SH3TC2: variants seen among roughly 807,000 people sequenced by gnomAD.
SH3TC2 encodes SH3 domain and tetratricopeptide repeats 2, also known as SH3 domain and tetratricopeptide repeat-containing protein 2.
A neutral mutation model predicts 124.5 loss-of-function variants in SH3TC2; 87 were observed. The observed-to-expected ratio is 0.70, with a 90% CI of 0.59 to 0.84. The LOEUF (loss-of-function observed/expected upper bound fraction) is 0.84. Among genes scored for constraint, SH3TC2 ranks in the 40% least tolerant of loss-of-function variants. The pLI is 0.00. For synonymous variants in SH3TC2, 634 were observed against 628.5 expected (o/e 1.01, Z -0.13); for missense variants, 1,536 against 1,566.4 (o/e 0.98, Z 0.33).
intron 1 of SH3TC2, among the ~76,000 whole-genome samples, chr5:149,056,601 C>T (rs1248563414): frequency 2.6e-5 from 4 of 152,094 alleles, no homozygotes. Context: ...TTTTAATTAG[C>T]ACTTTGGGTA....
Position 148,989,132 on chromosome 5 carries a change from C to T in SH3TC2, c.*15579G>A, listed in dbSNP as rs1056803614. 1.3e-5 allele frequency among the ~76,000 whole-genome samples: 2 copies of T among 152,086 alleles called. No individual in the cohort carries two copies. The highest frequency in any genetic ancestry group is 2.4e-5 in the African/African-American group (1 of 41,404). On this transcript the variant is annotated 3_prime_UTR_variant, in exon 17 of 17. Transcript: ENST00000515425. ...ATTTTCTTTATATTTCCTTGAGTTC[C>T]TTTTGGAGTCATTGAATTCCCTTTT...
chr5:149,014,503 C>T (rs1256518677), intron 12 of SH3TC2, among the ~76,000 whole-genome samples: 3 of 152,332 alleles, frequency 2.0e-5, no homozygotes, highest in Non-Finnish European at 4.4e-5. Flanking sequence ...ACTCCTAAGG[C>T]CCGGATCCTT....
rs763564639 is a variant in SH3TC2, at chr5:149,028,536, A to C, written c.1196T>G (p.Phe399Cys). Residue 399 changes from phenylalanine to cysteine, a missense_variant, in exon 11 of 17, where the codon TTC (phenylalanine) becomes TGC (cysteine). This residue lies in a region of SH3TC2 where 1,102 missense variants were observed against 1,098.6 expected (regional missense o/e 1.00). Coordinates refer to ENST00000515425, the MANE Select transcript of SH3TC2 (RefSeq NM_024577.4). ...GGCTCTGCCAGGCCTGACCTCCTTG[A>C]AACCTTCAGGCTGGGATGCTGTAAG... Reference protein sequence around the residue: ...NDLSASQPEGFKEVRPGRAWE... With the variant: ...NDLSASQPEGCKEVRPGRAWE... The C allele has an allele frequency of 1.2e-6, 2 of 1,613,922 alleles. No homozygotes were observed. The highest frequency in any genetic ancestry group is 1.7e-6 in the Non-Finnish European group (2 of 1,179,968).
chr5:148,987,717 T>G lies in SH3TC2; in HGVS notation c.*16994A>C, dbSNP rs182759223. On this transcript the variant is annotated 3_prime_UTR_variant, in exon 17 of 17. Coordinates refer to ENST00000515425, the MANE Select transcript of SH3TC2 (RefSeq NM_024577.4). ...TCAGTGAAGATCATCAGATTAAGAC[T>G]GAGAAGAACAAAGCTGTGGTCACTC... 1.1e-4 allele frequency among the ~76,000 whole-genome samples: 16 copies of G among 151,834 alleles called. No homozygotes were observed. The highest frequency in any genetic ancestry group is 1.9e-4 in the Non-Finnish European group (13 of 68,004).
chr5:149,032,830 G>A (rs2127398848), intron 8 of SH3TC2, among the ~76,000 whole-genome samples: 1 of 152,244 alleles, frequency 6.6e-6, no homozygotes, highest in African/African-American at 2.4e-5. Context: ...AGCCCATGAT[G>A]AGAACACTAT....
At chr5:149,042,954 G>T in intron 4 of SH3TC2, 117 bp from the exon 5 acceptor site, 1 of 1,191,262 alleles carries the variant, frequency 8.4e-7, no homozygotes. Flanking sequence ...GCCCCAACCT[G>T]CCATTTAACT....
At chr5:149,050,619 G>A (rs375797560) in intron 2 of SH3TC2, among the ~76,000 whole-genome samples, 1 of 152,144 alleles carries the variant, frequency 6.6e-6, no homozygotes, top group East Asian at 1.9e-4. Context: ...AGACAGATAA[G>A]CAGATTGACA....
At chr5:149,038,932 T>C (rs1479963125) in intron 7 of SH3TC2, among the ~76,000 whole-genome samples, 2 of 152,222 alleles carry the variant, frequency 1.3e-5, no homozygotes, top group Non-Finnish European at 2.9e-5. Context: ...GCTCTCCATG[T>C]CCTTCCAGCT....
At chr5:149,056,335 C>G (rs562965670) in intron 1 of SH3TC2, among the ~76,000 whole-genome samples, 1 of 152,172 alleles carries the variant, frequency 6.6e-6, no homozygotes, top group African/African-American at 2.4e-5. Context: ...TATCATTTAG[C>G]TCCCACTTAT....
chr5:149,038,197 G>T, intron 8 of SH3TC2, 98 bp downstream of exon 8: 2 of 1,169,032 alleles, frequency 1.7e-6, no homozygotes, highest in Non-Finnish European at 2.5e-6. Context: ...CATGTCACCA[G>T]GGCACCCTCG....
Position 149,004,564 on chromosome 5 carries a change from T to A in SH3TC2, c.*147A>T, listed in dbSNP as rs147796833. The A allele has an allele frequency of 1.1e-4, 91 of 811,458 alleles. No homozygotes were observed. The East Asian group carries it at 2.4e-3, about 22-fold the overall frequency. 50.3% of individuals were successfully genotyped at this position (811,458 alleles called of 1,614,324 possible). ...CTTTCTGTGGCCTGCAATGAGCCCT[T>A]CTCCTCCTGGACTTCATTCTTCTTC... is the stretch of plus-strand genomic sequence containing the variant. On this transcript the variant is annotated 3_prime_UTR_variant, in exon 17 of 17. Coordinates refer to ENST00000515425, the MANE Select transcript of SH3TC2 (RefSeq NM_024577.4).
intron 13 of SH3TC2, among the ~76,000 whole-genome samples, chr5:149,011,637 C>T (rs1004839817): frequency 6.6e-6 from 1 of 152,110 alleles, no homozygotes; most frequent in Non-Finnish European, 1.5e-5. Flanking sequence ...CTACGTCATG[C>T]AAGTGAAGTG....
rs375761015 is a variant in SH3TC2, at chr5:149,046,089, G to T, written c.280-1451C>A. On this transcript the variant is annotated intron_variant, in intron 3 of 16. Transcript: ENST00000515425. Reference sequence around the variant, plus strand: ...ACATCCCTCCACCAGGCCAGGTCCTGTCATCAGTACCAACTCCAGGAGCTC... The same window carrying T: ...ACATCCCTCCACCAGGCCAGGTCCTTTCATCAGTACCAACTCCAGGAGCTC... 15 of 255,190 alleles carry T rather than the reference G, an allele frequency of 5.9e-5. 1 individual carries two copies. The East Asian group carries it at 1.6e-3, about 27-fold the overall frequency. The allele number at this position is 255,190 out of a possible 1,614,324, so 15.8% of individuals were successfully genotyped here.
intron 2 of SH3TC2, 108 bp from the exon 3 acceptor site, chr5:149,048,097 G>A: frequency 6.9e-7 from 1 of 1,454,012 alleles, no homozygotes; most frequent in Non-Finnish European, 9.6e-7. Flanking sequence ...ACCCTCAACT[G>A]GTGTCCTCAT....
intron 8 of SH3TC2, among the ~76,000 whole-genome samples, chr5:149,037,610 G>A (rs539716382): frequency 1.1e-4 from 16 of 152,176 alleles, no homozygotes; most frequent in African/African-American, 2.7e-4. Context: ...CCCTTTCCTC[G>A]TGTACTTCCT....
In SH3TC2 at chr5:148,988,368, T is replaced by C. The variant is rs1419737412; in HGVS notation, c.*16343A>G. Among the ~76,000 whole-genome samples the C allele has an allele frequency of 6.6e-6, 1 of 152,140 alleles. No homozygotes were observed. The highest frequency in any genetic ancestry group is 1.9e-4 in the East Asian group (1 of 5,188). ...TCCCAGTGCTCATGCCATTGAGTAA[T>C]CCCCTCCTATACCAGCTCTAGGCTG... On this transcript the variant is annotated 3_prime_UTR_variant, in exon 17 of 17. Coordinates refer to ENST00000515425, the MANE Select transcript of SH3TC2 (RefSeq NM_024577.4).
rs780101367 is a variant in SH3TC2, at chr5:149,027,291, T to C, written c.2441A>G (p.Lys814Arg). 6.2e-7 allele frequency: 1 copy of C among 1,614,110 alleles called. No homozygotes were observed. Among genetic ancestry groups the C allele is most frequent in the Non-Finnish European group, 8.5e-7 (1 of 1,180,042 alleles). The change falls in exon 11 of 17, where the codon AAG becomes AGG. Residue 814 changes from lysine to arginine, a missense_variant. Coordinates refer to ENST00000515425, the MANE Select transcript of SH3TC2 (RefSeq NM_024577.4). ...WAYLLASQAKKALDVLEPLLC... is the reference protein window; with the variant it reads ...WAYLLASQAKRALDVLEPLLC... ...CAGTGGCTCAAGCACATCCAAAGCC[T>C]TCTTGGCCTGGCTGGCTAAGAGATA... is the stretch of plus-strand genomic sequence containing the variant.
At position 149,010,348 on chromosome 5, in the gene SH3TC2, A is replaced by G. The variant is rs1183163495; in HGVS notation, c.3249T>C (p.Ala1083=). 21 of 1,613,946 alleles carry G rather than the reference A, an allele frequency of 1.3e-5. No homozygotes were observed. The highest frequency in any genetic ancestry group is 1.7e-5 in the Non-Finnish European group (20 of 1,180,032). The stretch of plus-strand genomic sequence containing the variant: ...CACCTGCTTCTTCATAAAGTTTGAG[A>G]GCCAGCAAAGGCTCCTCTGACTTCA... ...TALKSEEPLL[A]LKLYEEAGDV... Residue 1083 remains alanine, a synonymous_variant, in exon 14 of 17, where the codon GCT becomes GCC. Transcript: ENST00000515425.
intron 9 of SH3TC2, among the ~76,000 whole-genome samples, chr5:149,030,701 A>G (rs550317938): frequency 6.6e-6 from 1 of 152,210 alleles, no homozygotes; most frequent in East Asian, 1.9e-4. Flanking sequence ...TCCCTGCTCT[A>G]CTCCTGGGAG....
Sources: gnomAD v4.1 joint callset for allele counts (sites outside exome capture counted in the v4.1 genomes callset) on GRCh38, gnomAD v4.1.1 for gene constraint, gnomAD v4.1.1 regional missense constraint, MANE v1.5 for transcripts, NCBI Gene and HGNC (gene_info 2026-07-23, HGNC 2026-07-21) for gene names.